The following WWOX variants were observed in gnomAD, a reference collection of about 807,000 sequenced individuals.
The protein encoded by WWOX is WW domain containing oxidoreductase.
Under a neutral mutation model 46.2 loss-of-function variants are expected in WWOX, and 69 were observed. The observed-to-expected ratio is 1.49, with a 90% CI of 1.23 to 1.82. WWOX has a LOEUF of 1.82. WWOX is among the 40% of genes most tolerant of loss of function. WWOX has a pLI of 0.00. For synonymous variants in WWOX, 359 were observed against 202.6 expected (o/e 1.77, Z -6.56); for missense variants, 919 against 542.6 (o/e 1.69, Z -6.89).
chr16:78,574,538 C>T (rs769858403), intron 8 of WWOX, among the ~76,000 whole-genome samples: 1 of 152,082 alleles, frequency 6.6e-6, no homozygotes, highest in Admixed American at 6.6e-5. Context: ...GTCTTATGGC[C>T]TGAAGATCTG....
intron 8 of WWOX, among the ~76,000 whole-genome samples, chr16:78,623,505 C>A (rs772439475): frequency 2.0e-5 from 3 of 152,094 alleles, no homozygotes; most frequent in Non-Finnish European, 4.4e-5. Context: ...CATGCTGAAA[C>A]CCCATCTCTA....
intron 8 of WWOX, among the ~76,000 whole-genome samples, chr16:79,025,024 C>T (rs566336743): frequency 6.6e-6 from 1 of 152,306 alleles, no homozygotes; most frequent in African/African-American, 2.4e-5. Context: ...CCGCCAGGCC[C>T]AGTTGGGGAG....
At chr16:78,507,257 A>T (rs2085231543) in intron 8 of WWOX, among the ~76,000 whole-genome samples, 1 of 152,154 alleles carries the variant, frequency 6.6e-6, no homozygotes, top group Non-Finnish European at 1.5e-5. Flanking sequence ...GTAAATAAGA[A>T]TTTTTTTCCC....
intron 4 of WWOX, among the ~76,000 whole-genome samples, chr16:78,124,679 G>T (rs1395538810): frequency 6.6e-6 from 1 of 152,124 alleles, no homozygotes; most frequent in East Asian, 1.9e-4. Flanking sequence ...AACTGAATGG[G>T]GTGCATAGGA....
intron 8 of WWOX, among the ~76,000 whole-genome samples, chr16:78,993,418 C>G (rs2151350885): frequency 6.6e-6 from 1 of 152,298 alleles, no homozygotes; most frequent in East Asian, 1.9e-4. Context: ...TGCCTCGCCT[C>G]TCCTCTCGGA....
chr16:78,704,641 C>G (rs1458834137), intron 8 of WWOX, among the ~76,000 whole-genome samples: 1 of 152,174 alleles, frequency 6.6e-6, no homozygotes, highest in Admixed American at 6.5e-5. Context: ...TTGGTCTAAA[C>G]TGCAGGAAGG....
At chr16:78,315,284 GT>G (rs938209133) in intron 5 of WWOX, among the ~76,000 whole-genome samples, 8 of 151,896 alleles carry the variant, frequency 5.3e-5, no homozygotes, top group African/African-American at 1.7e-4. Flanking sequence ...AAGTGAAACT[GT>G]TTTTTTTCCT....
rs139253565 is a variant in WWOX at position 78,440,882 on chromosome 16, G to T, written c.1056+8130G>T. Among the ~76,000 whole-genome samples, 1,067 of 152,252 alleles carry T rather than the reference G, an allele frequency of 7.0e-3. 8 individuals are homozygous for T. The highest frequency in any genetic ancestry group is 0.024 in the African/African-American group (1,015 of 41,516). On this transcript the variant is annotated intron_variant, in intron 8 of 8. Coordinates refer to ENST00000566780, the MANE Select transcript of WWOX (RefSeq NM_016373.4). ...GATCCACCTGCCTTGGCCTTCCAAA[G>T]TGTGGTGGGATTCCAGGCATGAGCC...
chr16:78,209,664 G>A (rs2036498038), intron 5 of WWOX, among the ~76,000 whole-genome samples: 1 of 150,960 alleles, frequency 6.6e-6, no homozygotes, highest in Non-Finnish European at 1.5e-5. Flanking sequence ...AGTACCTTTT[G>A]TATCCTCTAG....
chr16:78,977,780 T>G (rs550728442), intron 8 of WWOX, among the ~76,000 whole-genome samples: 13 of 152,128 alleles, frequency 8.5e-5, no homozygotes, highest in East Asian at 3.9e-4. Context: ...ATCCCAAACA[T>G]GCACTCCCAT....
At chr16:78,528,956 CTTTCTTTTTTTTT>C (rs2043552407) in intron 8 of WWOX, among the ~76,000 whole-genome samples, 1 of 141,414 alleles carries the variant, frequency 7.1e-6, no homozygotes, top group Admixed American at 7.1e-5. Flanking sequence ...TTCTTTCTTT[CTTTCTTTTTTTTT>C]TTTAGGGAGG....
At chr16:78,505,784 A>T (rs1179574280) in intron 8 of WWOX, among the ~76,000 whole-genome samples, 2 of 152,182 alleles carry the variant, frequency 1.3e-5, no homozygotes, top group Non-Finnish European at 2.9e-5. Flanking sequence ...AACTAGTTCC[A>T]GCTGGCCCAC....
chr16:78,223,407 T>C (rs1032978120), intron 5 of WWOX, among the ~76,000 whole-genome samples: 8 of 152,158 alleles, frequency 5.3e-5, no homozygotes, highest in African/African-American at 1.7e-4. Flanking sequence ...CCTTTTATGC[T>C]TTTCAACCTT....
At chr16:78,568,428 C>T (rs1318558010) in intron 8 of WWOX, among the ~76,000 whole-genome samples, 1 of 150,888 alleles carries the variant, frequency 6.6e-6, no homozygotes, top group Non-Finnish European at 1.5e-5. Flanking sequence ...CACTGCTTTC[C>T]AAGTTATATA....
chr16:78,730,264 A>G (rs947090117), intron 8 of WWOX, among the ~76,000 whole-genome samples: 1 of 151,926 alleles, frequency 6.6e-6, no homozygotes, highest in Non-Finnish European at 1.5e-5. Flanking sequence ...TTAGTACCTC[A>G]ATTTTACTGT....
chr16:78,615,611 G>C (rs1353997644), intron 8 of WWOX, among the ~76,000 whole-genome samples: 1 of 151,818 alleles, frequency 6.6e-6, no homozygotes, highest in Non-Finnish European at 1.5e-5. Context: ...AGCTATGTTC[G>C]CACCACTGTA....
intron 8 of WWOX, among the ~76,000 whole-genome samples, chr16:79,020,776 G>C (rs181686732): frequency 2.6e-5 from 4 of 152,302 alleles, no homozygotes; most frequent in Admixed American, 2.6e-4. Flanking sequence ...ACGTCGTGTG[G>C]ATTCTTTTCT....
At chr16:78,614,908 C>G (rs975554569) in intron 8 of WWOX, among the ~76,000 whole-genome samples, 2 of 152,112 alleles carry the variant, frequency 1.3e-5, no homozygotes, top group Non-Finnish European at 2.9e-5. Flanking sequence ...TAAATCCATT[C>G]TTAGATTTTC....
At chr16:78,244,416 G>A (rs1466385331) in intron 5 of WWOX, among the ~76,000 whole-genome samples, 1 of 152,152 alleles carries the variant, frequency 6.6e-6, no homozygotes, top group Admixed American at 6.5e-5. Flanking sequence ...ATTTGAGACT[G>A]TGAGAGGCTT....
Sources: allele counts gnomAD v4.1 joint callset (sites outside exome capture counted in the v4.1 genomes callset), GRCh38; gene constraint gnomAD v4.1.1; transcripts MANE v1.5; gene names NCBI Gene and HGNC (gene_info 2026-07-23, HGNC 2026-07-21).